Variants in DLGAP1 observed in about 807,000 individuals in gnomAD.
DLGAP1 encodes disks large-associated protein 1.
DLGAP1 carries 11 observed loss-of-function variants against 90.8 expected under a neutral mutation model. The ratio of observed to expected loss-of-function variants is 0.12; its 90% CI spans 0.08 to 0.20. The LOEUF (loss-of-function observed/expected upper bound fraction) is 0.20, where lower values mean the gene tolerates loss of function less well. DLGAP1 is among the 10% of genes least tolerant of loss of function. The pLI, the probability that DLGAP1 is intolerant of heterozygous loss-of-function variation, is 1.00. For synonymous variants in DLGAP1, 558 were observed against 540.7 expected, an observed-to-expected ratio of 1.03 and a Z score of -0.44; for missense variants, 1,050 against 1,333.8, an observed-to-expected ratio of 0.79 and a Z score of 3.31.
At chr18:4,125,680 G>T (rs945365163) in intron 2 of DLGAP1, among the ~76,000 whole-genome samples, 1 of 152,144 alleles carries the variant, frequency 6.6e-6, no homozygotes, top group African/African-American at 2.4e-5. Context: ...ATCCAGGAAG[G>T]TGTGTATTAG....
intron 7 of DLGAP1, among the ~76,000 whole-genome samples, chr18:3,701,403 T>C (rs534776476): frequency 3.3e-5 from 5 of 152,318 alleles, no homozygotes; most frequent in South Asian, 2.1e-4. Context: ...CTACAAATCA[T>C]TGAGAATCCT....
chr18:3,864,229 T>C (rs1450498521), intron 4 of DLGAP1, among the ~76,000 whole-genome samples: 3 of 152,214 alleles, frequency 2.0e-5, no homozygotes, highest in African/African-American at 7.2e-5. Flanking sequence ...ACAGGTAGAA[T>C]CAAGATGGGT....
rs1320882673 is a variant in DLGAP1, at chr18:4,455,000, C to T, written c.-267+6G>A. ...GCCCCAGCCCCGCGGCGCAGCCCGG[C>T]GTTACCTGGCCGCGTCCCGCAGTCC... is the stretch of plus-strand genomic sequence containing the variant. On this transcript the variant is annotated splice_donor_region_variant and intron_variant, in intron 1 of 12. Transcript: ENST00000315677. This position sits in a 1 kb window ranked among gnomAD's most constrained non-coding sequence, Gnocchi z 4.7. The T allele has an allele frequency of 2.0e-5, 3 of 151,222 alleles. No homozygotes were observed. The highest frequency in any genetic ancestry group is 4.4e-5 in the Non-Finnish European group (3 of 67,774). 9.4% of individuals were successfully genotyped at this position (151,222 alleles called of 1,614,324 possible). A position where few individuals can be genotyped will look rare whatever the true frequency, so the allele number is the denominator to read the frequency against.
At position 4,129,256 on chromosome 18, in the gene DLGAP1, G is replaced by C. The variant is rs886197156; in HGVS notation, c.-159+21924C>G. 4.4e-5 allele frequency among the ~76,000 whole-genome samples: 6 copies of C among 137,742 alleles called. No individual in the cohort carries two copies. In the East Asian group the frequency reaches 8.6e-4, roughly 20 times the overall value. The allele number at this position is 137,742 out of a possible 152,430, so 90.4% of individuals were successfully genotyped here. A position where few individuals can be genotyped will look rare whatever the true frequency, so the allele number is the denominator to read the frequency against. On this transcript the variant is annotated intron_variant, in intron 2 of 12. Coordinates refer to ENST00000315677, the MANE Select transcript of DLGAP1 (RefSeq NM_004746.4). Reference sequence around the variant, plus strand: ...GTAATGATATTTGGCAATGAAGACGGGTAGCACCTTTAAAGATTAAGAGAA... The same window carrying C: ...GTAATGATATTTGGCAATGAAGACGCGTAGCACCTTTAAAGATTAAGAGAA...
At chr18:3,985,991 C>A (rs961487505) in intron 3 of DLGAP1, 8 of 152,154 alleles carry the variant, frequency 5.3e-5, no homozygotes, top group Non-Finnish European at 1.2e-4. Flanking sequence ...GTCATCCTAG[C>A]GCAAATTCAT....
intron 1 of DLGAP1, among the ~76,000 whole-genome samples, chr18:4,324,393 A>C (rs2080768168): frequency 6.6e-6 from 1 of 151,832 alleles, no homozygotes; most frequent in African/African-American, 2.4e-5. Flanking sequence ...CAACCAAAAA[A>C]AAGCCCAAGG....
In DLGAP1 at chr18:3,600,967, TAG is replaced by T. The variant is rs370713441; in HGVS notation, c.1592-18721_1592-18720del. Among the ~76,000 whole-genome samples, 92 of 84,928 alleles carry T rather than the reference TAG, an allele frequency of 1.1e-3. 25 individuals carry two copies. The highest frequency in any genetic ancestry group is 3.5e-3 in the African/African-American group (77 of 21,712). 55.7% of individuals were successfully genotyped at this position (84,928 alleles called of 152,430 possible). On this transcript the variant is annotated intron_variant, in intron 7 of 12. Transcript: ENST00000315677. ...AGATATATAGATATATATAGATATA[TAG>T]ATAGATATATAGATATAGATATATA...
chr18:4,382,537 A>T (rs959164485), intron 1 of DLGAP1, among the ~76,000 whole-genome samples: 36 of 151,384 alleles, frequency 2.4e-4, no homozygotes, highest in African/African-American at 8.0e-4. Flanking sequence ...ACTGTTTTGG[A>T]AAGTTCCTTA....
At chr18:3,545,520 A>T (rs1213603672) in intron 9 of DLGAP1, among the ~76,000 whole-genome samples, 1 of 152,206 alleles carries the variant, frequency 6.6e-6, no homozygotes, top group Admixed American at 6.5e-5. Flanking sequence ...ATAAAAAGCG[A>T]AACCAACTAT....
At chr18:3,744,704 G>A (rs1018768069) in intron 5 of DLGAP1, among the ~76,000 whole-genome samples, 14 of 151,952 alleles carry the variant, frequency 9.2e-5, no homozygotes, top group Non-Finnish European at 1.0e-4. Flanking sequence ...CGCCACCGCG[G>A]CCGGCTAATT....
chr18:4,362,570 G>C (rs1324163289), intron 1 of DLGAP1, among the ~76,000 whole-genome samples: 1 of 152,124 alleles, frequency 6.6e-6, no homozygotes, highest in African/African-American at 2.4e-5. Context: ...TCCAGGGGCT[G>C]GGAAGATGTG....
At chr18:3,535,810 T>A (rs2052336966) in intron 9 of DLGAP1, among the ~76,000 whole-genome samples, 1 of 151,842 alleles carries the variant, frequency 6.6e-6, no homozygotes, top group African/African-American at 2.4e-5. Flanking sequence ...GGCGGGCAGA[T>A]CATCTGAGGT....
intron 1 of DLGAP1, among the ~76,000 whole-genome samples, chr18:4,398,251 A>G (rs1455139093): frequency 1.3e-5 from 2 of 152,258 alleles, no homozygotes; most frequent in Admixed American, 1.3e-4. Flanking sequence ...ATAGGCAAAC[A>G]TCTAATAGGA....
Position 4,129,615 on chromosome 18 carries a change from G to C in DLGAP1, c.-159+21565C>G, listed in dbSNP as rs117280871. The stretch of plus-strand genomic sequence containing the variant: ...CTTTTCCTGAGGCTTTGGGTTACTG[G>C]AAGATGAGGAAGGATAAATGTGAAG... On this transcript the variant is annotated intron_variant, in intron 2 of 12. Transcript: ENST00000315677. Among the ~76,000 whole-genome samples, 399 of 152,214 alleles carry C rather than the reference G, an allele frequency of 2.6e-3. 2 individuals carry two copies. Among genetic ancestry groups the C allele is most frequent in the Non-Finnish European group, 3.8e-3 (260 of 68,016 alleles).
chr18:4,186,763 T>C (rs189272709), intron 1 of DLGAP1, among the ~76,000 whole-genome samples: 12 of 152,280 alleles, frequency 7.9e-5, no homozygotes, highest in Admixed American at 7.2e-4. Flanking sequence ...CTCAGGGTCT[T>C]TTTTGGTCAA....
chr18:4,434,230 C>T (rs955363953), intron 1 of DLGAP1, among the ~76,000 whole-genome samples: 9 of 152,012 alleles, frequency 5.9e-5, no homozygotes, highest in African/African-American at 1.7e-4. Context: ...ACACCTCCCC[C>T]GAAAAAATGC....
chr18:3,550,933 G>T (rs2053368736), intron 9 of DLGAP1, among the ~76,000 whole-genome samples: 1 of 151,442 alleles, frequency 6.6e-6, no homozygotes. Flanking sequence ...GTAGAGACAG[G>T]GTTTCACCAT....
chr18:4,123,112 A>T (rs553298050), intron 2 of DLGAP1, among the ~76,000 whole-genome samples: 11 of 152,322 alleles, frequency 7.2e-5, no homozygotes, highest in African/African-American at 2.4e-4. Flanking sequence ...TTGGAAACTT[A>T]GTATCCTTCC....
chr18:3,551,587 T>G, intron 9 of DLGAP1, among the ~76,000 whole-genome samples: 1 of 135,312 alleles, frequency 7.4e-6, no homozygotes, highest in South Asian at 2.5e-4. Context: ...TTTCTTTTCT[T>G]TCTTTCTTTT....
Sources: gnomAD v4.1 joint callset for allele counts (sites outside exome capture counted in the v4.1 genomes callset) on GRCh38, gnomAD v4.1.1 for gene constraint, Gnocchi (gnomAD v3.1) non-coding constraint, MANE v1.5 for transcripts, NCBI Gene and HGNC (gene_info 2026-07-23, HGNC 2026-07-21) for gene names.